Variants in OPN3 observed in about 807,000 individuals in gnomAD.
The protein encoded by OPN3 is opsin 3.
OPN3 carries 29 observed loss-of-function variants against 33.8 expected under a neutral mutation model. That is an observed-to-expected ratio of 0.86 (90% CI 0.64 to 1.17). The LOEUF is 1.17. OPN3 is among the 50% of genes most tolerant of loss of function. OPN3 has a pLI of 0.00. For synonymous variants in OPN3, 216 were observed against 216.1 expected (o/e 1.00, Z 0.00); for missense variants, 437 against 514.1 (o/e 0.85, Z 1.45).
At chr1:241,634,597 AC>A in intron 1 of OPN3, 6 of 1,613,876 alleles carry the variant, frequency 3.7e-6, no homozygotes, top group Non-Finnish European at 5.1e-6. Context: ...CACACATCCT[AC>A]AGAAACCCTG....
intron 1 of OPN3, chr1:241,634,752 C>G (rs773799380): frequency 4.0e-5 from 65 of 1,613,810 alleles, no homozygotes; most frequent in Non-Finnish European, 5.3e-5. Context: ...GAGTGCAGTA[C>G]AAAATGTTGA....
chr1:241,630,122 C>A (rs930601452), intron 1 of OPN3: 16 of 152,018 alleles, frequency 1.1e-4, no homozygotes, highest in African/African-American at 3.4e-4. Context: ...CACAATAATT[C>A]TGTGAAGTAT....
chr1:241,627,012 G>A (rs1664439557), intron 1 of OPN3, among the ~76,000 whole-genome samples: 1 of 151,970 alleles, frequency 6.6e-6, no homozygotes, highest in Non-Finnish European at 1.5e-5. Context: ...CCTCTGATGT[G>A]TATGCCTTAA....
rs1663427535 is a variant in OPN3, at chr1:241,594,313, GA to G, written c.*114del. ...TATGGGCAATTCGGATTTCCTGCTG[GA>G]CCACAAGGTTCTGTTGATATTACAT... On this transcript the variant is annotated 3_prime_UTR_variant, in exon 4 of 4. Transcript: ENST00000366554. The G allele has an allele frequency of 5.1e-6, 6 of 1,185,732 alleles. No individual in the cohort carries two copies. The East Asian group carries it at 1.2e-4, about 23-fold the overall frequency. The allele number at this position is 1,185,732 out of a possible 1,614,324, so 73.5% of individuals were successfully genotyped here.
At chr1:241,599,402 T>C (rs1050547477) in intron 2 of OPN3, among the ~76,000 whole-genome samples, 6 of 152,110 alleles carry the variant, frequency 3.9e-5, no homozygotes, top group African/African-American at 1.4e-4. Flanking sequence ...TCATATAACT[T>C]ATTACAATGT....
Position 241,625,490 on chromosome 1 carries a change from G to T in OPN3, c.373+14392C>A, listed in dbSNP as rs568878010. Reference sequence around the variant, plus strand: ...TAATATAATTGCTTTGCAGAGGAACGGTATTTCTGGATAAAATTATTTTAA... The same window carrying T: ...TAATATAATTGCTTTGCAGAGGAACTGTATTTCTGGATAAAATTATTTTAA... On this transcript the variant is annotated intron_variant, in intron 1 of 3. Transcript: ENST00000366554. Among the ~76,000 whole-genome samples, 4 of 152,144 alleles carry T rather than the reference G, an allele frequency of 2.6e-5. No individual in the cohort carries two copies. In the East Asian group the frequency reaches 7.7e-4, roughly 29 times the overall value.
At chr1:241,636,880 T>C (rs1664917588) in intron 1 of OPN3, among the ~76,000 whole-genome samples, 1 of 151,972 alleles carries the variant, frequency 6.6e-6, no homozygotes, top group African/African-American at 2.4e-5. Context: ...AATCTCTGCA[T>C]CCCAAGCAAA....
Position 241,604,324 on chromosome 1 carries a change from C to A in OPN3, c.629G>T (p.Cys210Phe). Residue 210 changes from cysteine to phenylalanine, a missense_variant, in exon 2 of 4, where the codon TGC becomes TTC. Cys to Phe is a radical substitution (Grantham distance 205). Transcript: ENST00000366554. ...TATGACACCCAGGGGCACCACCAGG[C>A]AGCCAAGAAATAAGAAAAGCACAAA... Reference protein sequence around the residue: ...SSFVLFLFLGCLVVPLGVIAH... With the variant: ...SSFVLFLFLGFLVVPLGVIAH... 5 of 1,614,194 alleles carry A rather than the reference C, an allele frequency of 3.1e-6. No homozygotes were observed. Among genetic ancestry groups the A allele is most frequent in the Non-Finnish European group, 4.2e-6 (5 of 1,180,024 alleles).
chr1:241,604,616 C>T, intron 1 of OPN3, 37 bp from the exon 2 acceptor site: 1 of 1,563,028 alleles, frequency 6.4e-7, no homozygotes, highest in Non-Finnish European at 8.7e-7. Context: ...TAGCATGGTG[C>T]AGGGGGAAAC....
chr1:241,607,514 AAGAC>A lies in OPN3; in HGVS notation c.374-2939_374-2936del, dbSNP rs368623598. Among the ~76,000 whole-genome samples, 1,004 of 151,364 alleles carry A rather than the reference AAGAC, an allele frequency of 6.6e-3. 8 individuals carry two copies. Among genetic ancestry groups the A allele is most frequent in the African/African-American group, 0.021 (881 of 41,160 alleles). On this transcript the variant is annotated intron_variant, in intron 1 of 3. Transcript: ENST00000366554. ...GGGCGATGGAGCAAGACTCCATCAAAAGACAGACAGACAGACAGACAGAGAGCAA... is the reference window on the plus strand; with the variant it reads ...GGGCGATGGAGCAAGACTCCATCAAAAGACAGACAGACAGACAGAGAGCAA...
At chr1:241,601,112 C>T (rs1367898681) in intron 2 of OPN3, 1 of 152,082 alleles carries the variant, frequency 6.6e-6, no homozygotes, top group Non-Finnish European at 1.5e-5. Flanking sequence ...AAGTCAGTTT[C>T]TGAAAACAAG....
chr1:241,611,863 T>C (rs1288095258), intron 1 of OPN3, among the ~76,000 whole-genome samples: 1 of 152,144 alleles, frequency 6.6e-6, no homozygotes, highest in African/African-American at 2.4e-5. Context: ...ATGAGGAAAA[T>C]GGATTGTGAG....
rs1286334114 is a variant in OPN3 at position 241,640,087 on chromosome 1, G to A, written c.168C>T (p.Val56=). 16 of 1,610,184 alleles carry A rather than the reference G, an allele frequency of 9.9e-6. No homozygotes were observed. Among genetic ancestry groups the A allele is most frequent in the South Asian group, 2.2e-5 (2 of 90,704 alleles). ...GGACGAGCACCAGCAGGTTGTTGCC[G>A]ACGCCCAGCAGCCCAATGGAGCCCA... ...LLLGSIGLLG[V]GNNLLVLVLY... The change falls in exon 1 of 4, where the codon GTC becomes GTT. Residue 56 remains valine (V), a synonymous_variant. Transcript: ENST00000366554.
chr1:241,625,651 G>A (rs562867065), intron 1 of OPN3, among the ~76,000 whole-genome samples: 3 of 152,282 alleles, frequency 2.0e-5, no homozygotes, highest in African/African-American at 7.2e-5. Context: ...GAAGATTGGC[G>A]AGGGAAGGTA....
chr1:241,604,401 G>T lies in OPN3; in HGVS notation c.552C>A (p.His184Gln). 2.5e-6 allele frequency: 4 copies of T among 1,614,154 alleles called. No individual in the cohort carries two copies. Among genetic ancestry groups the T allele is most frequent in the Non-Finnish European group, 3.4e-6 (4 of 1,180,028 alleles). Residue 184 changes from histidine (H) to glutamine (Q), a missense_variant, in exon 2 of 4, where the codon CAC becomes CAA. Coordinates refer to ENST00000366554, the MANE Select transcript of OPN3 (RefSeq NM_014322.3). The part of the protein sequence containing the change: ...LGWNRYILDV[H>Q]GLGCTVDWKS... ...TCCAGTCCACAGTGCAGCCTAGTCC[G>T]TGTACGTCCAGGATGTACCTGTTCC...
At chr1:241,635,799 T>C (rs754211608) in intron 1 of OPN3, 10 of 1,575,084 alleles carry the variant, frequency 6.3e-6, no homozygotes, top group East Asian at 4.5e-5. Flanking sequence ...TGACAACTGC[T>C]GATGAAAGAA....
chr1:241,632,587 G>A (rs193173140), intron 1 of OPN3: 6 of 152,190 alleles, frequency 3.9e-5, no homozygotes, highest in Admixed American at 1.3e-4. Context: ...GTTTTATGAC[G>A]TTGGGTGGCT....
chr1:241,609,593 C>T (rs1663933513), intron 1 of OPN3, among the ~76,000 whole-genome samples: 1 of 152,220 alleles, frequency 6.6e-6, no homozygotes, highest in Admixed American at 6.5e-5. Context: ...ATTTTTATAT[C>T]ACACACAACA....
chr1:241,605,055 C>CAAAAAAAA (rs35256239), intron 1 of OPN3, among the ~76,000 whole-genome samples: 3 of 126,296 alleles, frequency 2.4e-5, no homozygotes, highest in Admixed American at 7.8e-5. Context: ...GACCTTATCT[C>CAAAAAAAA]AAAAAAAAAA....
Sources: allele counts gnomAD v4.1 joint callset (sites outside exome capture counted in the v4.1 genomes callset), GRCh38; gene constraint gnomAD v4.1.1; transcripts MANE v1.5; gene names NCBI Gene and HGNC (gene_info 2026-07-23, HGNC 2026-07-21).